The following ITPR1 variants were observed in gnomAD, a reference collection of about 807,000 sequenced individuals.
ITPR1 encodes inositol 1,4,5-trisphosphate receptor type 1, also known as inositol 1,4,5-trisphosphate-gated calcium channel ITPR1.
In ITPR1, 96 loss-of-function variants were observed where a neutral mutation model predicts 318.4. That is an observed-to-expected ratio of 0.30 (90% CI 0.26 to 0.36). The LOEUF is 0.36. Ranked by LOEUF, ITPR1 falls within the 10% of genes least tolerant of loss-of-function variation. The pLI, the probability that ITPR1 is intolerant of heterozygous loss-of-function variation, is 1.00. For missense variants in ITPR1, 2,440 were observed against 3,460.2 expected (o/e 0.71, Z 7.40); for synonymous variants, 1,312 against 1,289.9 (o/e 1.02, Z -0.37).
intron 5 of ITPR1, among the ~76,000 whole-genome samples, chr3:4,635,596 C>T (rs1227858513): frequency 6.6e-6 from 1 of 152,054 alleles, no homozygotes; most frequent in Non-Finnish European, 1.5e-5. Flanking sequence ...CTGCCCGCCT[C>T]GGCCTCCCAA....
At chr3:4,579,953 G>A (rs1035318569) in intron 4 of ITPR1, among the ~76,000 whole-genome samples, 1 of 152,160 alleles carries the variant, frequency 6.6e-6, no homozygotes, top group Non-Finnish European at 1.5e-5. Context: ...GCTCACGCCT[G>A]TAATCCCAGC....
At chr3:4,621,740 C>T (rs2092642878) in intron 4 of ITPR1, among the ~76,000 whole-genome samples, 1 of 152,220 alleles carries the variant, frequency 6.6e-6, no homozygotes, top group African/African-American at 2.4e-5. Flanking sequence ...ACTACCAGTC[C>T]TGCTTTTCTA....
At chr3:4,515,358 G>A (rs1364309624) in intron 2 of ITPR1, among the ~76,000 whole-genome samples, 1 of 152,132 alleles carries the variant, frequency 6.6e-6, no homozygotes, top group East Asian at 1.9e-4. Flanking sequence ...TTGTAACTGT[G>A]TGGGGTAAAT....
chr3:4,696,484 C>T (rs971591577), intron 33 of ITPR1, among the ~76,000 whole-genome samples: 3 of 152,178 alleles, frequency 2.0e-5, no homozygotes, highest in East Asian at 3.9e-4. Flanking sequence ...TCTATACATA[C>T]ACCACGTTTT....
At chr3:4,635,897 T>C (rs1181932537) in intron 5 of ITPR1, among the ~76,000 whole-genome samples, 2 of 151,984 alleles carry the variant, frequency 1.3e-5, no homozygotes, top group Non-Finnish European at 2.9e-5. Flanking sequence ...CTTGCTTTTT[T>C]TTTTTGAGGC....
intron 40 of ITPR1, among the ~76,000 whole-genome samples, chr3:4,721,791 A>G (rs1409068469): frequency 5.9e-5 from 9 of 152,230 alleles, no homozygotes; most frequent in Non-Finnish European, 4.4e-5. Context: ...GGCAGTAGAA[A>G]ACAAAGGGTA....
intron 4 of ITPR1, among the ~76,000 whole-genome samples, chr3:4,562,786 G>A (rs1414640297): frequency 1.3e-5 from 2 of 151,346 alleles, no homozygotes; most frequent in African/African-American, 2.4e-5. Flanking sequence ...AAGCACTGGA[G>A]ATAGTGTTGA....
At chr3:4,540,633 G>A (rs2084352443) in intron 4 of ITPR1, among the ~76,000 whole-genome samples, 2 of 152,148 alleles carry the variant, frequency 1.3e-5, no homozygotes, top group African/African-American at 2.4e-5. Context: ...TGTCACACAG[G>A]CTGGAGTACA....
intron 4 of ITPR1, among the ~76,000 whole-genome samples, chr3:4,549,692 T>C (rs563943296): frequency 2.7e-4 from 41 of 152,242 alleles, no homozygotes; most frequent in African/African-American, 9.9e-4. Flanking sequence ...AAGTCTTGGG[T>C]TCTTCATCTT....
chr3:4,752,028 C>G (rs1372295011), intron 44 of ITPR1, among the ~76,000 whole-genome samples: 1 of 152,216 alleles, frequency 6.6e-6, no homozygotes, highest in Non-Finnish European at 1.5e-5. Context: ...TACCAATTTC[C>G]TATTCCTGGG....
chr3:4,531,811 C>A (rs2083437310), intron 4 of ITPR1, among the ~76,000 whole-genome samples: 1 of 152,168 alleles, frequency 6.6e-6, no homozygotes, highest in African/African-American at 2.4e-5. Context: ...TCCTCTGGGG[C>A]ACCTTTACTG....
chr3:4,690,675 ACTAT>A (rs762264611), intron 31 of ITPR1, among the ~76,000 whole-genome samples: 52 of 152,366 alleles, frequency 3.4e-4, no homozygotes, highest in Middle Eastern at 3.4e-3. Context: ...TAGGAATGTT[ACTAT>A]CTATTAAAAC....
intron 42 of ITPR1, among the ~76,000 whole-genome samples, chr3:4,727,903 C>A (rs575487343): frequency 2.0e-5 from 3 of 152,302 alleles, no homozygotes; most frequent in African/African-American, 7.2e-5. Context: ...TTTCCTTCTA[C>A]CTATTTTTTA....
intron 32 of ITPR1, among the ~76,000 whole-genome samples, chr3:4,692,704 G>C (rs186175545): frequency 1.0e-3 from 152 of 152,320 alleles, no homozygotes; most frequent in African/African-American, 3.5e-3. Flanking sequence ...AAACAGGAAT[G>C]CCTCAACTTT....
At chr3:4,815,398 T>C (rs1289755507) in intron 59 of ITPR1, among the ~76,000 whole-genome samples, 180 bp downstream of exon 59, 2 of 152,184 alleles carry the variant, frequency 1.3e-5, no homozygotes, top group Non-Finnish European at 2.9e-5. Context: ...TTGGCCTTTA[T>C]TCTGCTGGGA....
chr3:4,640,406 A>G (rs960576226), intron 6 of ITPR1, among the ~76,000 whole-genome samples: 1 of 150,784 alleles, frequency 6.6e-6, no homozygotes, highest in Admixed American at 6.6e-5. Flanking sequence ...TGAAGATTAG[A>G]TCCTGCCAGT....
chr3:4,628,686 C>G (rs2092918675), intron 5 of ITPR1, among the ~76,000 whole-genome samples: 1 of 152,212 alleles, frequency 6.6e-6, no homozygotes, highest in African/African-American at 2.4e-5. Flanking sequence ...CCTCCCTCCT[C>G]TGGCATGTGA....
intron 4 of ITPR1, among the ~76,000 whole-genome samples, chr3:4,538,582 A>C (rs2084096386): frequency 6.6e-6 from 1 of 152,216 alleles, no homozygotes; most frequent in Non-Finnish European, 1.5e-5. Context: ...TTCTGTTCTA[A>C]AGATACATGC....
intron 4 of ITPR1, among the ~76,000 whole-genome samples, chr3:4,525,517 G>T (rs1320165139): frequency 1.3e-5 from 2 of 152,140 alleles, no homozygotes; most frequent in African/African-American, 4.8e-5. Flanking sequence ...GGAAGAAAAG[G>T]TTGGCTGCAC....
Sources: allele counts gnomAD v4.1 joint callset (sites outside exome capture counted in the v4.1 genomes callset), GRCh38; gene constraint gnomAD v4.1.1; transcripts MANE v1.5; gene names NCBI Gene and HGNC (gene_info 2026-07-23, HGNC 2026-07-21).